Variants in CSMD2 observed in about 807,000 individuals in gnomAD.
CSMD2 encodes the protein CUB and sushi domain-containing protein 2.
In CSMD2, 130 loss-of-function variants were observed where a neutral mutation model predicts 398.5. That is an observed-to-expected ratio of 0.33 (90% confidence interval 0.28 to 0.38). CSMD2 has a LOEUF of 0.38. CSMD2 is among the 10% of genes least tolerant of loss of function. The pLI is 1.00. For missense variants in CSMD2, 3,829 were observed against 4,764.9 expected, an observed-to-expected ratio of 0.80 and a Z score of 5.78; for synonymous variants, 1,828 against 1,908.5, an observed-to-expected ratio of 0.96 and a Z score of 1.10.
At chr1:34,146,822 G>T (rs1396890869) in intron 1 of CSMD2, among the ~76,000 whole-genome samples, 1 of 152,144 alleles carries the variant, frequency 6.6e-6, no homozygotes, top group African/African-American at 2.4e-5. Context: ...AGTCATATAG[G>T]TGACAGCAGG....
chr1:33,602,756 T>C (rs949363387), intron 42 of CSMD2, among the ~76,000 whole-genome samples: 7 of 152,150 alleles, frequency 4.6e-5, no homozygotes, highest in African/African-American at 1.7e-4. Flanking sequence ...CTCTCAATCA[T>C]CACTGCAGGC....
chr1:34,064,539 T>A (rs1654893714), intron 2 of CSMD2, among the ~76,000 whole-genome samples: 1 of 152,130 alleles, frequency 6.6e-6, no homozygotes, highest in Admixed American at 6.6e-5. Context: ...CGAGACCATC[T>A]CAGTCTGGAC....
chr1:33,651,944 C>T (rs1192978040), intron 28 of CSMD2, among the ~76,000 whole-genome samples: 1 of 152,018 alleles, frequency 6.6e-6, no homozygotes, highest in Admixed American at 6.6e-5. Flanking sequence ...GCCTGGGACC[C>T]AAGCCCGCCT....
chr1:34,041,928 C>T lies in CSMD2; in HGVS notation c.405-9222G>A, dbSNP rs184317555. On this transcript the variant is annotated intron_variant, in intron 2 of 70. Transcript: ENST00000373381. ...CTCTCAAGTTCAATCCAATTTTAAT[C>T]CCTCAAATATTTACTGAGTGGCAAC... Among the ~76,000 whole-genome samples the T allele has an allele frequency of 7.9e-5, 12 of 152,214 alleles. No homozygotes were observed. In the South Asian group the frequency reaches 8.3e-4, roughly 11 times the overall value.
At chr1:34,165,503 T>G (rs150358430), upstream of CSMD2, among the ~76,000 whole-genome samples, 872 of 152,260 alleles carry the variant, frequency 5.7e-3, 5 homozygotes, top group African/African-American at 0.02. Flanking sequence ...TCCGTGTCTG[T>G]TTTGCAATTG....
chr1:33,810,642 A>T, intron 10 of CSMD2, 101 bp downstream of exon 10: 2 of 1,185,932 alleles, frequency 1.7e-6, no homozygotes, highest in Non-Finnish European at 2.4e-6. Context: ...TCTGCAGAGA[A>T]TCTACCATCA....
intron 10 of CSMD2, among the ~76,000 whole-genome samples, chr1:33,804,584 C>T (rs1656003668): frequency 6.6e-6 from 1 of 151,480 alleles, no homozygotes; most frequent in African/African-American, 2.4e-5. Context: ...GTTCTTCACT[C>T]TTACGTGCAC....
chr1:34,165,349 A>T, upstream of CSMD2: 1 of 1,197,786 alleles, frequency 8.3e-7, no homozygotes, highest in Non-Finnish European at 1.0e-6. Flanking sequence ...TCCCCGGATT[A>T]ATCACTCCGG....
chr1:33,594,851 G>A (rs1570872251), intron 44 of CSMD2, among the ~76,000 whole-genome samples: 2 of 152,198 alleles, frequency 1.3e-5, no homozygotes, highest in Middle Eastern at 3.4e-3. Context: ...GCTTCCCTTG[G>A]AAATAAAAGT....
At chr1:33,918,708 C>T (rs1643849680) in intron 4 of CSMD2, among the ~76,000 whole-genome samples, 1 of 152,160 alleles carries the variant, frequency 6.6e-6, no homozygotes, top group Admixed American at 6.5e-5. Context: ...TGGCAGAGAA[C>T]ACTGAGCCAA....
Position 33,623,022 on chromosome 1 carries a change from A to C in CSMD2, c.5722+348T>G, listed in dbSNP as rs150926504. Among the ~76,000 whole-genome samples, 20 of 152,348 alleles carry C rather than the reference A, an allele frequency of 1.3e-4. No homozygotes were observed. In the East Asian group the frequency reaches 3.5e-3, roughly 26 times the overall value. ...CTTTGAAAACATCACGTTAAGTGAAAGAAGCCAAACACAGAAGGCTTCCAT... is the reference window on the plus strand; with the variant it reads ...CTTTGAAAACATCACGTTAAGTGAACGAAGCCAAACACAGAAGGCTTCCAT... On this transcript the variant is annotated intron_variant, in intron 36 of 70. Transcript: ENST00000373381.
intron 11 of CSMD2, 42 bp from the exon 12 acceptor site, chr1:33,788,754 A>G: frequency 8.3e-7 from 1 of 1,209,526 alleles, no homozygotes; most frequent in Non-Finnish European, 1.2e-6. Context: ...CTCCACCATG[A>G]CACCCGAATA....
In CSMD2 at chr1:33,825,701, A is replaced by C; in HGVS notation, c.1107T>G (p.Ser369=). Residue 369 remains serine, a synonymous_variant, in exon 7 of 71, where the codon TCT becomes TCG. Coordinates refer to ENST00000373381, the MANE Select transcript of CSMD2 (RefSeq NM_001281956.2). ...GGCTGGCGGGCGGACACTTACACACAGACGTCTTCTGGCTGTTGTCTTTGC... is the reference window on the plus strand; with the variant it reads ...GGCTGGCGGGCGGACACTTACACACCGACGTCTTCTGGCTGTTGTCTTTGC... ...MPSKDNSQKT[S]VLTQVGVSQG... 6.2e-7 allele frequency: 1 copy of C among 1,609,814 alleles called. No homozygotes were observed. Among genetic ancestry groups the C allele is most frequent in the East Asian group, 2.2e-5 (1 of 44,826 alleles).
rs753008937 is a variant in CSMD2 at position 33,935,804 on chromosome 1, G to A, written c.668C>T (p.Ser223Phe). 2 of 1,613,702 alleles carry A rather than the reference G, an allele frequency of 1.2e-6. No individual in the cohort carries two copies. The highest frequency in any genetic ancestry group is 2.2e-5 in the South Asian group (2 of 91,022). The change falls in exon 4 of 71, where the codon TCT becomes TTT. Residue 223 changes from serine to phenylalanine, a missense_variant. Ser to Phe is a radical substitution (Grantham distance 155). This residue lies in a region of CSMD2 where 2,001 missense variants were observed against 2,567.1 expected (regional missense o/e 0.78). Coordinates refer to ENST00000373381, the MANE Select transcript of CSMD2 (RefSeq NM_001281956.2). Reference protein sequence around the residue: ...GHAVLTCHAGSENSATWDFPL... With the variant: ...GHAVLTCHAGFENSATWDFPL... ...GAAGTCCCACGTGGCGCTGTTCTCA[G>A]AGCCAGCGTGGCAGGTGAGCACGGC... is the stretch of plus-strand genomic sequence containing the variant.
At chr1:33,775,116 G>A (rs1365840522) in intron 12 of CSMD2, among the ~76,000 whole-genome samples, 1 of 152,170 alleles carries the variant, frequency 6.6e-6, no homozygotes, top group African/African-American at 2.4e-5. Flanking sequence ...ATTTCAAGGG[G>A]CGCCAAAATC....
chr1:33,716,537 G>A lies in CSMD2; in HGVS notation c.3002-36C>T, dbSNP rs186226389. ...ACCAGAGGGTCAGGTTGTTGATGGC[G>A]AGATGGCTGGAGAACCTCAGCTGCA... is the stretch of plus-strand genomic sequence containing the variant. On this transcript the variant is annotated intron_variant, in intron 19 of 70. Coordinates refer to ENST00000373381, the MANE Select transcript of CSMD2 (RefSeq NM_001281956.2). 2.3e-3 allele frequency: 3,373 copies of A among 1,467,852 alleles called. 9 individuals carry two copies. The highest frequency in any genetic ancestry group is 2.9e-3 in the Non-Finnish European group (3,054 of 1,057,624). The allele number at this position is 1,467,852 out of a possible 1,614,324, so 90.9% of individuals were successfully genotyped here. A position where few individuals can be genotyped will look rare whatever the true frequency, so the allele number is the denominator to read the frequency against.
intron 29 of CSMD2, among the ~76,000 whole-genome samples, chr1:33,637,857 T>C (rs1474114581): frequency 6.6e-6 from 1 of 152,134 alleles, no homozygotes; most frequent in Non-Finnish European, 1.5e-5. Flanking sequence ...GGATCAGTGT[T>C]CATTCATCAG....
chr1:34,071,129 G>A (rs1012603963), intron 2 of CSMD2, among the ~76,000 whole-genome samples: 2 of 152,216 alleles, frequency 1.3e-5, no homozygotes, highest in African/African-American at 2.4e-5. Flanking sequence ...GTGATGATGC[G>A]AGAGACTGAA....
chr1:33,755,849 G>A (rs1360924101), intron 13 of CSMD2, among the ~76,000 whole-genome samples: 2 of 151,026 alleles, frequency 1.3e-5, no homozygotes, highest in Non-Finnish European at 2.9e-5. Context: ...TGTGTGTGCG[G>A]GGGGAGGGGG....
Sources: allele counts gnomAD v4.1 joint callset (sites outside exome capture counted in the v4.1 genomes callset), GRCh38; gene constraint gnomAD v4.1.1; regional missense constraint gnomAD v4.1.1; transcripts MANE v1.5; gene names NCBI Gene and HGNC (gene_info 2026-07-23, HGNC 2026-07-21).